Variants in FHIT observed in about 807,000 individuals in gnomAD.
The protein encoded by FHIT is fragile histidine triad diadenosine triphosphatase, also known as bis(5'-adenosyl)-triphosphatase.
A neutral mutation model predicts 17.9 loss-of-function variants in FHIT; 19 were observed. That is an observed-to-expected ratio of 1.06 (90% CI 0.74 to 1.56). The LOEUF (loss-of-function observed/expected upper bound fraction) is 1.56, where lower values mean the gene tolerates loss of function less well. Ranked by LOEUF, FHIT falls within the 40% of genes most tolerant of loss-of-function variation. The pLI, the probability that FHIT is intolerant of heterozygous loss-of-function variation, is 0.00. For synonymous variants in FHIT, 81 were observed against 69.7 expected, an observed-to-expected ratio of 1.16 and a Z score of -0.81; for missense variants, 248 against 189.2, an observed-to-expected ratio of 1.31 and a Z score of -1.82.
At chr3:60,953,644 TC>T (rs1553777901) in intron 3 of FHIT, among the ~76,000 whole-genome samples, 1 of 152,048 alleles carries the variant, frequency 6.6e-6, no homozygotes, top group East Asian at 1.9e-4. Flanking sequence ...CAACATCCCT[TC>T]CCATCTCATA....
intron 5 of FHIT, among the ~76,000 whole-genome samples, chr3:60,391,399 C>G (rs981004380): frequency 7.9e-4 from 121 of 152,270 alleles, no homozygotes; most frequent in African/African-American, 2.7e-3. Flanking sequence ...TGTTTTTAAA[C>G]AAATTTAGCA....
At chr3:61,204,753 G>A (rs954171805) in intron 1 of FHIT, among the ~76,000 whole-genome samples, 4 of 152,000 alleles carry the variant, frequency 2.6e-5, no homozygotes, top group African/African-American at 4.8e-5. Flanking sequence ...AAAAGCTGAC[G>A]GAATAAGTTA....
chr3:60,994,141 T>A (rs1375632673), intron 3 of FHIT, among the ~76,000 whole-genome samples: 3 of 152,264 alleles, frequency 2.0e-5, no homozygotes, highest in African/African-American at 7.2e-5. Flanking sequence ...TAAATTTATG[T>A]TACTTCTTCC....
intron 3 of FHIT, among the ~76,000 whole-genome samples, chr3:60,860,490 T>TA (rs1703681698): frequency 2.4e-5 from 3 of 124,506 alleles, no homozygotes; most frequent in Non-Finnish European, 5.1e-5. Flanking sequence ...TACATATGTA[T>TA]CATATATATC....
chr3:59,998,255 G>A (rs1018233621), intron 7 of FHIT, among the ~76,000 whole-genome samples: 3 of 152,116 alleles, frequency 2.0e-5, no homozygotes, highest in Non-Finnish European at 4.4e-5. Flanking sequence ...GTGGCTAATG[G>A]ATGATGCAAT....
chr3:60,810,799 G>A (rs1472455562), intron 4 of FHIT, among the ~76,000 whole-genome samples: 2 of 152,158 alleles, frequency 1.3e-5, no homozygotes, highest in East Asian at 1.9e-4. Context: ...GAATCCACTG[G>A]TGATTTCACA....
intron 8 of FHIT, among the ~76,000 whole-genome samples, chr3:59,786,149 GA>G (rs1699279557): frequency 6.6e-6 from 1 of 152,180 alleles, no homozygotes. Flanking sequence ...CACCAAAAGT[GA>G]AAGGCAGAAT....
At chr3:59,955,743 C>A (rs775441718) in intron 7 of FHIT, among the ~76,000 whole-genome samples, 2 of 152,198 alleles carry the variant, frequency 1.3e-5, no homozygotes, top group Non-Finnish European at 2.9e-5. Context: ...CCTCCTCTCC[C>A]CCTCTCCCAA....
intron 5 of FHIT, among the ~76,000 whole-genome samples, chr3:60,093,352 C>T (rs1383005375): frequency 2.0e-5 from 3 of 152,138 alleles, no homozygotes; most frequent in Admixed American, 6.5e-5. Context: ...CACATCACAT[C>T]ACTCTGACCT....
chr3:60,344,660 G>A (rs2106915104), intron 5 of FHIT, among the ~76,000 whole-genome samples: 1 of 152,314 alleles, frequency 6.6e-6, no homozygotes, highest in South Asian at 2.1e-4. Flanking sequence ...AAACTTGTTA[G>A]AAGATAACGT....
intron 5 of FHIT, among the ~76,000 whole-genome samples, chr3:60,473,239 C>T (rs1276325952): frequency 1.3e-5 from 2 of 152,192 alleles, no homozygotes; most frequent in Non-Finnish European, 2.9e-5. Flanking sequence ...CCACAGATAG[C>T]TGGCTTCTTC....
chr3:60,588,328 T>C (rs1553662871), intron 4 of FHIT, among the ~76,000 whole-genome samples: 1 of 152,026 alleles, frequency 6.6e-6, no homozygotes, highest in African/African-American at 2.4e-5. Flanking sequence ...TTAAAATATA[T>C]ATCTTCAATA....
intron 8 of FHIT, among the ~76,000 whole-genome samples, chr3:59,775,456 G>C (rs79273034): frequency 6.6e-6 from 1 of 152,100 alleles, no homozygotes; most frequent in Admixed American, 6.6e-5. Context: ...ATCAGTGGTC[G>C]CACCACTCAA....
chr3:60,276,430 GA>G (rs1191198505), intron 5 of FHIT, among the ~76,000 whole-genome samples: 1 of 152,170 alleles, frequency 6.6e-6, no homozygotes, highest in Non-Finnish European at 1.5e-5. Flanking sequence ...AAAGGAGGCT[GA>G]AGGTGCAAAA....
At chr3:61,200,061 C>T (rs2038967929) in intron 2 of FHIT, among the ~76,000 whole-genome samples, 1 of 152,164 alleles carries the variant, frequency 6.6e-6, no homozygotes, top group African/African-American at 2.4e-5. Flanking sequence ...TTTCCCATTG[C>T]TTCAAGCTTG....
intron 3 of FHIT, among the ~76,000 whole-genome samples, chr3:60,965,490 G>T (rs1709684650): frequency 6.6e-6 from 1 of 152,168 alleles, no homozygotes; most frequent in Non-Finnish European, 1.5e-5. Flanking sequence ...GAGGAGCTAG[G>T]TTCCTTTGTA....
intron 4 of FHIT, among the ~76,000 whole-genome samples, chr3:60,663,615 T>G (rs1282935168): frequency 2.0e-5 from 3 of 151,962 alleles, no homozygotes; most frequent in Non-Finnish European, 4.4e-5. Flanking sequence ...TTTTGTATTT[T>G]TACAAGAGAG....
Position 61,119,744 on chromosome 3 carries a change from T to C in FHIT, c.-163-77645A>G, listed in dbSNP as rs2036401745. Among the ~76,000 whole-genome samples, 5 of 152,200 alleles carry C rather than the reference T, an allele frequency of 3.3e-5. No individual in the cohort carries two copies. The South Asian group carries it at 8.3e-4, about 25-fold the overall frequency. ...AACAAAAGGCAGAGGAAGGGTGAAT[T>C]TGCTCTCTCTTATGGAGCAGGGACA... On this transcript the variant is annotated intron_variant, in intron 2 of 9. Transcript: ENST00000492590.
intron 3 of FHIT, among the ~76,000 whole-genome samples, chr3:60,852,821 T>G (rs112965404): frequency 2.0e-5 from 3 of 151,974 alleles, no homozygotes; most frequent in Non-Finnish European, 4.4e-5. Flanking sequence ...CTAAGCAGCA[T>G]AGTGAGACCC....
Sources: gnomAD v4.1 joint callset for allele counts (sites outside exome capture counted in the v4.1 genomes callset) on GRCh38, gnomAD v4.1.1 for gene constraint, MANE v1.5 for transcripts, NCBI Gene and HGNC (gene_info 2026-07-23, HGNC 2026-07-21) for gene names.